Variants in HAPSTR1 observed in about 807,000 individuals in gnomAD.
HAPSTR1 encodes HUWE1-associated protein modifying stress responses 1.
the HAPSTR1 span, among the ~76,000 whole-genome samples, chr16:9,093,894 T>A: frequency 6.6e-6 from 1 of 152,112 alleles, no homozygotes; most frequent in Non-Finnish European, 1.5e-5. Context: ...TTTGTTAATC[T>A]TAAGAAATAT....
chr16:9,105,215 G>C, the HAPSTR1 span: 3 of 152,108 alleles, frequency 2.0e-5, no homozygotes, highest in Non-Finnish European at 4.4e-5. Context: ...ATTTTCACAT[G>C]TTTAAGTTGT....
At chr16:9,095,111 C>G in the HAPSTR1 span, among the ~76,000 whole-genome samples, 24,709 of 152,144 alleles carry the variant, frequency 0.16, 2,144 homozygotes, top group Non-Finnish European at 0.19. Context: ...GATTGTTAGT[C>G]TGAACTAGTT....
chr16:9,121,572 C>T, the HAPSTR1 span: 1 of 81,206 alleles, frequency 1.2e-5, no homozygotes, highest in African/African-American at 9.2e-5. Context: ...GTTTGCCTCT[C>T]TGGGCTGTTT....
chr16:9,103,880 A>C, the HAPSTR1 span: 1 of 152,610 alleles, frequency 6.6e-6, no homozygotes, highest in Non-Finnish European at 1.5e-5. Flanking sequence ...AAGGGATTTT[A>C]GTATTGCTGG....
chr16:9,112,972 A>G, the HAPSTR1 span: 1 of 149,216 alleles, frequency 6.7e-6, no homozygotes, highest in Non-Finnish European at 1.5e-5. Context: ...TTTTGTAGAA[A>G]TTAAGTTGTA....
chr16:9,091,874 G>A, the HAPSTR1 span: 1 of 461,528 alleles, frequency 2.2e-6, no homozygotes. Context: ...GGGGCCGCGG[G>A]GCGGGGCTCG....
At chr16:9,108,256 G>T in the HAPSTR1 span, 1 of 152,104 alleles carries the variant, frequency 6.6e-6, no homozygotes. Flanking sequence ...TATGGAGCAG[G>T]TTAGTAAGTG....
At chr16:9,102,854 A>G in the HAPSTR1 span, 1 of 861,970 alleles carries the variant, frequency 1.2e-6, no homozygotes, top group Non-Finnish European at 1.8e-6. Context: ...ATTTCAGTTT[A>G]TATTACTGAT....
At chr16:9,107,514 C>T in the HAPSTR1 span, 1 of 152,210 alleles carries the variant, frequency 6.6e-6, no homozygotes, top group Non-Finnish European at 1.5e-5. Context: ...TGTTGCCAGT[C>T]CATCTTTCAT....
the HAPSTR1 span, among the ~76,000 whole-genome samples, chr16:9,098,673 A>G: frequency 6.6e-6 from 1 of 152,306 alleles, no homozygotes; most frequent in African/African-American, 2.4e-5. Flanking sequence ...CTCCCAAAAA[A>G]GAATAAAATA....
chr16:9,100,044 C>T, the HAPSTR1 span, among the ~76,000 whole-genome samples: 4 of 152,138 alleles, frequency 2.6e-5, no homozygotes, highest in African/African-American at 7.2e-5. Context: ...CTACATTATG[C>T]CCCGGTGGAG....
chr16:9,098,979 C>G, the HAPSTR1 span, among the ~76,000 whole-genome samples: 2 of 152,016 alleles, frequency 1.3e-5, no homozygotes, highest in African/African-American at 2.4e-5. Flanking sequence ...GTAGAGTAAT[C>G]TGATTAATTT....
the HAPSTR1 span, among the ~76,000 whole-genome samples, chr16:9,095,775 C>T: frequency 2.6e-5 from 4 of 152,102 alleles, no homozygotes; most frequent in Admixed American, 1.3e-4. Flanking sequence ...AGTTGAACTT[C>T]AGCAAGGACA....
chr16:9,108,331 A>C, the HAPSTR1 span: 1 of 152,036 alleles, frequency 6.6e-6, no homozygotes, highest in African/African-American at 2.4e-5. Flanking sequence ...AAAATTTCTA[A>C]TTTTCAATAT....
chr16:9,114,171 TC>T, the HAPSTR1 span, among the ~76,000 whole-genome samples: 805 of 152,202 alleles, frequency 5.3e-3, 5 homozygotes, highest in Non-Finnish European at 6.3e-3. Context: ...GAAGTGAAGT[TC>T]CTTTTTGATG....
At chr16:9,120,556 C>T in the HAPSTR1 span, 3 of 151,720 alleles carry the variant, frequency 2.0e-5, no homozygotes, top group Non-Finnish European at 4.4e-5. Context: ...TTCGATGGCC[C>T]CTCATTTTTT....
chr16:9,106,019 C>CA, the HAPSTR1 span: 1 of 152,122 alleles, frequency 6.6e-6, no homozygotes, highest in Non-Finnish European at 1.5e-5. Flanking sequence ...TTCGTGTAGA[C>CA]AGAGTATGAC....
At chr16:9,095,207 G>A in the HAPSTR1 span, among the ~76,000 whole-genome samples, 1 of 152,252 alleles carries the variant, frequency 6.6e-6, no homozygotes, top group African/African-American at 2.4e-5. Context: ...ATTTGATAGT[G>A]CAACGTTTTC....
the HAPSTR1 span, chr16:9,092,212 G>A: frequency 4.4e-6 from 7 of 1,588,186 alleles, no homozygotes; most frequent in Non-Finnish European, 6.0e-6. Flanking sequence ...AGCACAAGCA[G>A]CAGAAGCTGT....
Sources: allele counts gnomAD v4.1 joint callset (sites outside exome capture counted in the v4.1 genomes callset), GRCh38; gene constraint gnomAD v4.1.1; transcripts MANE v1.5; gene names NCBI Gene and HGNC (gene_info 2026-07-23, HGNC 2026-07-21).